The following TRPM3 variants were observed in gnomAD, a reference collection of about 807,000 sequenced individuals.
TRPM3 encodes the protein long transient receptor potential channel 3.
Under a neutral mutation model 181.2 loss-of-function variants are expected in TRPM3, and 77 were observed. That is an observed-to-expected ratio of 0.42 (90% confidence interval 0.35 to 0.51). The LOEUF (loss-of-function observed/expected upper bound fraction) is 0.51, where lower values mean the gene tolerates loss of function less well. Ranked by LOEUF, TRPM3 falls within the 20% of genes least tolerant of loss-of-function variation. TRPM3 has a pLI of 0.01. For synonymous variants in TRPM3, 745 were observed against 796.4 expected, an observed-to-expected ratio of 0.94 and a Z score of 1.09; for missense variants, 1,759 against 2,196.7, an observed-to-expected ratio of 0.80 and a Z score of 3.98.
chr9:70,843,640 T>G lies in TRPM3; in HGVS notation c.677-513A>C, dbSNP rs193049115. On this transcript the variant is annotated intron_variant, in intron 4 of 25. Transcript: ENST00000677713. Reference sequence around the variant, plus strand: ...TCGTAAAGACAATGTTGGATTATTCTGTGGAAAATTTATGTTAAAATATAT... The same window carrying G: ...TCGTAAAGACAATGTTGGATTATTCGGTGGAAAATTTATGTTAAAATATAT... Among the ~76,000 whole-genome samples the G allele has an allele frequency of 3.6e-3, 546 of 152,304 alleles. 3 individuals carry two copies. Among genetic ancestry groups the G allele is most frequent in the African/African-American group, 0.012 (516 of 41,586 alleles).
At chr9:70,686,413 G>C (rs944181478) in intron 8 of TRPM3, among the ~76,000 whole-genome samples, 7 of 152,170 alleles carry the variant, frequency 4.6e-5, no homozygotes, top group Admixed American at 6.5e-5. Context: ...TTGTAGATAT[G>C]GAATTTCTTG....
chr9:70,924,056 C>T (rs1186530073), intron 1 of TRPM3, among the ~76,000 whole-genome samples: 1 of 151,578 alleles, frequency 6.6e-6, no homozygotes, highest in African/African-American at 2.4e-5. Context: ...CAACTGAGGG[C>T]AATTTTGCTG....
At chr9:70,680,214 T>G (rs10868871) in intron 9 of TRPM3, among the ~76,000 whole-genome samples, 55,005 of 152,064 alleles carry the variant, frequency 0.36, 10,205 homozygotes, top group East Asian at 0.46. Context: ...ATTTTAACCT[T>G]TAGCGAATTA....
intron 1 of TRPM3, among the ~76,000 whole-genome samples, chr9:71,038,459 G>C (rs1197131826): frequency 6.6e-6 from 1 of 152,054 alleles, no homozygotes; most frequent in African/African-American, 2.4e-5. Context: ...AGAATGTTTT[G>C]TTTCTTCCCT....
In TRPM3 at chr9:70,537,153, G is replaced by T; in HGVS notation, c.3960C>A (p.Thr1320=). ...GGTCTATACTCTCTTGGAGCTTGAA[G>T]GTGTTCCCTTCCTGGCTGTTGAAGC... ...QSSFNSQEGN[T]FKLQESIDPA... is the part of the protein sequence containing the mutation. The change falls in exon 26 of 26, where the codon ACC becomes ACA. Residue 1320 remains threonine (T), a synonymous_variant. Transcript: ENST00000677713. 6.3e-7 allele frequency: 1 copy of T among 1,590,158 alleles called. No homozygotes were observed. The highest frequency in any genetic ancestry group is 8.6e-7 in the Non-Finnish European group (1 of 1,162,382).
chr9:70,845,175 A>G (rs1337028), intron 4 of TRPM3, among the ~76,000 whole-genome samples: 86,115 of 151,868 alleles, frequency 0.57, 24,773 homozygotes, highest in Non-Finnish European at 0.58. Flanking sequence ...GAGAATTCTC[A>G]GTGTAGGTCT....
intron 1 of TRPM3, among the ~76,000 whole-genome samples, chr9:71,326,077 A>G (rs751302606): frequency 1.3e-5 from 2 of 152,208 alleles, no homozygotes; most frequent in Non-Finnish European, 2.9e-5. Flanking sequence ...ATACTTGCCC[A>G]TGTCAGAAAA....
At chr9:71,016,699 T>A (rs1440989307) in intron 1 of TRPM3, among the ~76,000 whole-genome samples, 1 of 152,360 alleles carries the variant, frequency 6.6e-6, no homozygotes, top group East Asian at 1.9e-4. Context: ...TTTTGGCTAT[T>A]GTGAATAATA....
At chr9:70,945,272 CAT>C (rs2096922095) in intron 1 of TRPM3, among the ~76,000 whole-genome samples, 1 of 152,300 alleles carries the variant, frequency 6.6e-6, no homozygotes, top group South Asian at 2.1e-4. Context: ...TATTAACTAC[CAT>C]ATAAAATTAT....
At chr9:70,855,527 C>G (rs556708440) in intron 3 of TRPM3, among the ~76,000 whole-genome samples, 232 of 152,282 alleles carry the variant, frequency 1.5e-3, no homozygotes, top group African/African-American at 5.2e-3. Flanking sequence ...ACTGTAAGGC[C>G]ATCTTTAATT....
Position 70,887,611 on chromosome 9 carries a change from A to T in TRPM3, c.178-23100T>A, listed in dbSNP as rs1050243755. ...GAAGAGGCTTCTGGCAGGCAACCAT[A>T]TGTTTCTTATTCCAGTAGTTATGAT... is the stretch of plus-strand genomic sequence containing the variant. On this transcript the variant is annotated intron_variant, in intron 1 of 25. Transcript: ENST00000677713. 3.9e-5 allele frequency among the ~76,000 whole-genome samples: 6 copies of T among 152,242 alleles called. 1 individual carries two copies. Among genetic ancestry groups the T allele is most frequent in the African/African-American group, 1.4e-4 (6 of 41,546 alleles).
In TRPM3 at chr9:70,625,092, T is replaced by G; in HGVS notation, c.1809+99A>C. 1 of 1,378,606 alleles carries G rather than the reference T, an allele frequency of 7.3e-7. No individual in the cohort carries two copies. Among genetic ancestry groups the G allele is most frequent in the Non-Finnish European group, 9.8e-7 (1 of 1,020,996 alleles). The allele number at this position is 1,378,606 out of a possible 1,614,324, so 85.4% of individuals were successfully genotyped here. ...GTTTAGGTTCACTCTCAGCGCAATT[T>G]TCTGATTTTAATTCCCCTTGGAGAC... On this transcript the variant is annotated intron_variant, in intron 14 of 25. Transcript: ENST00000677713. This position sits in a 1 kb window ranked among gnomAD's most constrained non-coding sequence, Gnocchi z 4.8.
intron 22 of TRPM3, among the ~76,000 whole-genome samples, chr9:70,583,342 G>C (rs567839404): frequency 1.3e-5 from 2 of 152,294 alleles, no homozygotes; most frequent in African/African-American, 2.4e-5. Flanking sequence ...CAGGCTACAT[G>C]GTGTTTCTGG....
chr9:70,594,856 T>C (rs2058734580), intron 21 of TRPM3, among the ~76,000 whole-genome samples: 1 of 152,186 alleles, frequency 6.6e-6, no homozygotes, highest in South Asian at 2.1e-4. Context: ...TGGGCACATT[T>C]TCTTAAGTTC....
At chr9:71,320,171 T>C (rs928454089) in intron 1 of TRPM3, among the ~76,000 whole-genome samples, 1 of 151,810 alleles carries the variant, frequency 6.6e-6, no homozygotes, top group East Asian at 1.9e-4. Flanking sequence ...CAATAGGGAG[T>C]TTCTTCTGGA....
At chr9:71,017,768 C>T (rs1257157253) in intron 1 of TRPM3, among the ~76,000 whole-genome samples, 12 of 151,702 alleles carry the variant, frequency 7.9e-5, no homozygotes, top group Middle Eastern at 3.4e-3. Context: ...ACACCTTTCT[C>T]GAAACTGATA....
intron 1 of TRPM3, chr9:70,917,232 T>G: frequency 6.4e-7 from 1 of 1,572,852 alleles, no homozygotes; most frequent in Non-Finnish European, 8.7e-7. Flanking sequence ...TACAGGGCAA[T>G]AGCAGTGAGT....
intron 3 of TRPM3, among the ~76,000 whole-genome samples, chr9:70,852,599 A>G (rs2095270179): frequency 6.6e-6 from 1 of 152,166 alleles, no homozygotes; most frequent in Admixed American, 6.5e-5. Flanking sequence ...AATTACAGCA[A>G]CAGCCTCCTA....
intron 3 of TRPM3, among the ~76,000 whole-genome samples, chr9:70,861,556 CT>C: frequency 6.6e-6 from 1 of 152,292 alleles, no homozygotes; most frequent in South Asian, 2.1e-4. Context: ...ATTTACAGCA[CT>C]TTTCTTACAG....
Sources: gnomAD v4.1 joint callset for allele counts (sites outside exome capture counted in the v4.1 genomes callset) on GRCh38, gnomAD v4.1.1 for gene constraint, Gnocchi (gnomAD v3.1) non-coding constraint, MANE v1.5 for transcripts, NCBI Gene and HGNC (gene_info 2026-07-23, HGNC 2026-07-21) for gene names.